Variants in ROBO2 observed in about 807,000 individuals in gnomAD.
ROBO2 encodes roundabout homolog 2.
Under a neutral mutation model 160.8 loss-of-function variants are expected in ROBO2, and 53 were observed. The observed-to-expected ratio is 0.33, with a 90% CI of 0.26 to 0.41. The LOEUF (loss-of-function observed/expected upper bound fraction) is 0.41. Among genes scored for constraint, ROBO2 ranks in the 10% least tolerant of loss-of-function variants. ROBO2 has a pLI of 1.00. For synonymous variants in ROBO2, 664 were observed against 611.7 expected (o/e 1.09, Z -1.26); for missense variants, 1,577 against 1,722.4 (o/e 0.92, Z 1.49).
At chr3:75,934,127 A>C (rs1440417615) in intron 1 of ROBO2, among the ~76,000 whole-genome samples, 1 of 152,138 alleles carries the variant, frequency 6.6e-6, no homozygotes, top group African/African-American at 2.4e-5. Flanking sequence ...TGTGACCTTA[A>C]ACATTTGAAA....
At chr3:77,575,020 A>G (rs2093725684) in intron 14 of ROBO2, among the ~76,000 whole-genome samples, 1 of 151,584 alleles carries the variant, frequency 6.6e-6, no homozygotes, top group Admixed American at 6.6e-5. Flanking sequence ...GATTTAGTTC[A>G]TTTGGATCAT....
chr3:77,232,432 A>G (rs2087341098), intron 2 of ROBO2, among the ~76,000 whole-genome samples: 1 of 152,098 alleles, frequency 6.6e-6, no homozygotes, highest in Admixed American at 6.6e-5. Flanking sequence ...AGTGAGAGAC[A>G]AGAATGGTGA....
rs558824752 is a variant in ROBO2, at chr3:76,101,817, A to G, written c.109+164215A>G. Among the ~76,000 whole-genome samples, 925 of 142,616 alleles carry G rather than the reference A, an allele frequency of 6.5e-3. 7 individuals carry two copies. Among genetic ancestry groups the G allele is most frequent in the South Asian group, 0.018 (81 of 4,386 alleles). The allele number at this position is 142,616 out of a possible 152,430, so 93.6% of individuals were successfully genotyped here. On this transcript the variant is annotated intron_variant, in intron 2 of 26. Transcript: ENST00000487694. ...CCCCTTCCTGTGTCCCTGTGTTCCC[A>G]TTATACCCCGGGGTGTGATGTTCCC...
Position 76,167,197 on chromosome 3 carries a change from A to T in ROBO2, c.109+229595A>T, listed in dbSNP as rs185476030. On this transcript the variant is annotated intron_variant, in intron 2 of 26. Coordinates refer to the ROBO2 transcript ENST00000487694. ...CTCATGTGATCCACCTGCCTCAGCCATCTAAAGTGCTGGGATTACAGGAGT... is the reference window on the plus strand; with the variant it reads ...CTCATGTGATCCACCTGCCTCAGCCTTCTAAAGTGCTGGGATTACAGGAGT... Among the ~76,000 whole-genome samples the T allele has an allele frequency of 4.1e-3, 631 of 152,192 alleles. 4 individuals carry two copies. Among genetic ancestry groups the T allele is most frequent in the African/African-American group, 0.015 (603 of 41,520 alleles).
chr3:77,296,303 A>G (rs1279245711), intron 2 of ROBO2, among the ~76,000 whole-genome samples: 3 of 151,882 alleles, frequency 2.0e-5, no homozygotes, highest in Non-Finnish European at 4.4e-5. Context: ...ACATAAAGTA[A>G]AATTGATGGT....
At chr3:76,627,746 T>A (rs916825415) in intron 2 of ROBO2, among the ~76,000 whole-genome samples, 2 of 152,214 alleles carry the variant, frequency 1.3e-5, no homozygotes, top group Admixed American at 1.3e-4. Flanking sequence ...AGGAGTTCAA[T>A]GTATAAATGA....
chr3:76,105,395 T>G (rs895684503), intron 2 of ROBO2, among the ~76,000 whole-genome samples: 1 of 152,188 alleles, frequency 6.6e-6, no homozygotes, highest in African/African-American at 2.4e-5. Context: ...TGGAACATGT[T>G]GAACTGTAGT....
intron 2 of ROBO2, among the ~76,000 whole-genome samples, chr3:77,003,784 A>G (rs2061444695): frequency 1.3e-5 from 2 of 152,122 alleles, no homozygotes; most frequent in Non-Finnish European, 2.9e-5. Context: ...TCCTGACGTC[A>G]GGTGATCCAC....
intron 6 of ROBO2, among the ~76,000 whole-genome samples, chr3:77,534,873 TG>T (rs977227745): frequency 6.6e-6 from 1 of 152,192 alleles, no homozygotes; most frequent in African/African-American, 2.4e-5. Flanking sequence ...TTACATGTGG[TG>T]GGGGCACACA....
chr3:76,384,774 A>G (rs1262476843), intron 2 of ROBO2, among the ~76,000 whole-genome samples: 1 of 152,140 alleles, frequency 6.6e-6, no homozygotes, highest in Non-Finnish European at 1.5e-5. Context: ...ACTTGCTATC[A>G]AGAGAACAGC....
chr3:76,706,913 T>G (rs532191621), intron 2 of ROBO2, among the ~76,000 whole-genome samples: 3 of 152,120 alleles, frequency 2.0e-5, no homozygotes, highest in African/African-American at 7.2e-5. Context: ...ATAAGTTAAT[T>G]ATTAGAGGTA....
At chr3:76,082,625 G>A (rs2068871969) in intron 2 of ROBO2, among the ~76,000 whole-genome samples, 1 of 152,042 alleles carries the variant, frequency 6.6e-6, no homozygotes, top group Non-Finnish European at 1.5e-5. Context: ...TCAAGTCTCT[G>A]CTCAAATATT....
chr3:77,178,682 T>C (rs1419406294), intron 2 of ROBO2, among the ~76,000 whole-genome samples: 1 of 152,218 alleles, frequency 6.6e-6, no homozygotes, highest in South Asian at 2.1e-4. Flanking sequence ...TAATTATATA[T>C]TGCCATGTAC....
chr3:76,953,132 A>G (rs561516968), intron 2 of ROBO2, among the ~76,000 whole-genome samples: 12 of 152,200 alleles, frequency 7.9e-5, no homozygotes, highest in Non-Finnish European at 1.8e-4. Flanking sequence ...ATCTTTGAAA[A>G]AAAGCCATCT....
intron 2 of ROBO2, among the ~76,000 whole-genome samples, chr3:76,835,170 A>G (rs531021872): frequency 6.6e-6 from 1 of 151,968 alleles, no homozygotes; most frequent in East Asian, 1.9e-4. Flanking sequence ...GTCTCTTCTC[A>G]TCTTTAAAAC....
chr3:77,644,768 A>G (rs1428179586), exon 25 of ROBO2: 1 of 1,613,912 alleles, frequency 6.2e-7, no homozygotes, highest in Non-Finnish European at 8.5e-7. Context: ...GCTCATCAGG[A>G]ACAGCTTCTT....
At chr3:76,749,751 A>G (rs7430353) in intron 2 of ROBO2, among the ~76,000 whole-genome samples, 2,753 of 152,210 alleles carry the variant, frequency 0.018, 68 homozygotes, top group African/African-American at 0.058. Flanking sequence ...TCAAAAACGT[A>G]TACTGAGACT....
intron 2 of ROBO2, among the ~76,000 whole-genome samples, chr3:77,148,472 T>C (rs958614618): frequency 6.6e-6 from 1 of 152,264 alleles, no homozygotes; most frequent in African/African-American, 2.4e-5. Context: ...GGAAAACTAC[T>C]TGAACTTCTT....
intron 2 of ROBO2, among the ~76,000 whole-genome samples, chr3:76,556,920 A>T (rs1005706918): frequency 1.3e-5 from 2 of 152,126 alleles, no homozygotes; most frequent in Non-Finnish European, 2.9e-5. Context: ...TCTCATAGTC[A>T]TCTCCATAAT....
Sources: gnomAD v4.1 joint callset for allele counts (sites outside exome capture counted in the v4.1 genomes callset) on GRCh38, gnomAD v4.1.1 for gene constraint, MANE v1.5 for transcripts, NCBI Gene and HGNC (gene_info 2026-07-23, HGNC 2026-07-21) for gene names.